The following ZFHX3 variants were observed in gnomAD, a reference collection of about 807,000 sequenced individuals.
The protein encoded by ZFHX3 is zinc finger homeobox protein 3.
In ZFHX3, 42 loss-of-function variants were observed where a neutral mutation model predicts 279.1. The observed-to-expected ratio is 0.15, with a 90% CI of 0.12 to 0.19. ZFHX3 has a LOEUF of 0.19. ZFHX3 is among the 10% of genes least tolerant of loss of function. The pLI is 1.00. For missense variants in ZFHX3, 4,981 were observed against 4,754.0 expected (o/e 1.05, Z -1.40); for synonymous variants, 2,293 against 1,957.8 (o/e 1.17, Z -4.52).
chr16:73,745,790 T>C (rs1251476355), intron 1 of ZFHX3, among the ~76,000 whole-genome samples: 1 of 152,222 alleles, frequency 6.6e-6, no homozygotes, highest in Non-Finnish European at 1.5e-5. Context: ...AAGTTATCGA[T>C]ACCCTCTGAT....
intron 2 of ZFHX3, among the ~76,000 whole-genome samples, chr16:73,567,151 G>T (rs938992875): frequency 2.0e-5 from 3 of 152,090 alleles, no homozygotes; most frequent in African/African-American, 7.2e-5. Context: ...TTTTTTGTTT[G>T]TTTGTTTTTT....
chr16:72,906,784 C>T (rs552997342), intron 3 of ZFHX3, among the ~76,000 whole-genome samples: 55 of 152,030 alleles, frequency 3.6e-4, no homozygotes, highest in Admixed American at 2.6e-3. Context: ...GGCAACAGAG[C>T]GAGACTCTGT....
chr16:73,883,971 G>A (rs1470419201), intron 1 of ZFHX3, among the ~76,000 whole-genome samples: 1 of 152,106 alleles, frequency 6.6e-6, no homozygotes. Flanking sequence ...TCTAAATCAA[G>A]TTCCCTTCTT....
At chr16:73,421,538 C>T (rs562830364) in intron 3 of ZFHX3, 2 of 152,264 alleles carry the variant, frequency 1.3e-5, no homozygotes, top group South Asian at 4.2e-4. Context: ...TAGTCATCGT[C>T]TAAACATCCA....
chr16:73,306,120 C>T (rs933779113), intron 4 of ZFHX3, among the ~76,000 whole-genome samples: 1 of 152,132 alleles, frequency 6.6e-6, no homozygotes, highest in Non-Finnish European at 1.5e-5. Flanking sequence ...GTTTCTACTG[C>T]GTACCTACTG....
intron 4 of ZFHX3, among the ~76,000 whole-genome samples, chr16:72,871,817 G>A (rs2038169207): frequency 6.6e-6 from 1 of 151,768 alleles, no homozygotes; most frequent in East Asian, 2.0e-4. Context: ...TGGGCGCGGT[G>A]GCTCACGCCT....
chr16:72,794,443 G>T lies in ZFHX3; in HGVS notation c.8239C>A (p.Leu2747Met), dbSNP rs1272835427. 6.2e-7 allele frequency: 1 copy of T among 1,613,996 alleles called. No individual in the cohort carries two copies. The highest frequency in any genetic ancestry group is 8.5e-7 in the Non-Finnish European group (1 of 1,180,018). The change falls in exon 9 of 10, where the codon CTG becomes ATG. Residue 2747 changes from leucine (L) to methionine (M), a missense_variant. By Grantham distance (15) the Leu-to-Met change is conservative. This residue lies in a region of ZFHX3 where 744 missense variants were observed against 701.3 expected (regional missense o/e 1.06). Transcript: ENST00000268489. The surrounding 1 kb of genome is among the most constrained non-coding windows in gnomAD (Gnocchi z 4.2). ...EAKRAGYNLT[L>M]SAMLLDCDGG... ...TCACAGTCTAAGAGCATCGCAGACA[G>T]AGTTAGGTTGTAGCCAGCTCTCTTG...
intron 2 of ZFHX3, among the ~76,000 whole-genome samples, chr16:73,571,916 G>T (rs1216609819): frequency 6.6e-6 from 1 of 151,952 alleles, no homozygotes; most frequent in African/African-American, 2.4e-5. Flanking sequence ...AAATATATAA[G>T]ATCACCCATA....
chr16:73,290,232 T>C (rs981446711), intron 4 of ZFHX3, among the ~76,000 whole-genome samples: 6 of 152,060 alleles, frequency 3.9e-5, no homozygotes, highest in African/African-American at 1.2e-4. Flanking sequence ...ATTCCCTAAC[T>C]GACAGCCCCT....
At chr16:72,903,844 C>T (rs747697629) in intron 3 of ZFHX3, among the ~76,000 whole-genome samples, 3 of 152,180 alleles carry the variant, frequency 2.0e-5, no homozygotes, top group African/African-American at 7.2e-5. Context: ...GATCAGATCC[C>T]TGCACTATGC....
chr16:73,659,544 A>G (rs2052758202), intron 2 of ZFHX3, among the ~76,000 whole-genome samples: 1 of 152,064 alleles, frequency 6.6e-6, no homozygotes, highest in African/African-American at 2.4e-5. Flanking sequence ...CAATGTCTTA[A>G]TGTCCCTGGG....
intron 4 of ZFHX3, among the ~76,000 whole-genome samples, chr16:72,865,667 A>T (rs2038000375): frequency 6.6e-6 from 1 of 152,198 alleles, no homozygotes; most frequent in South Asian, 2.1e-4. Context: ...GACTGGCCAA[A>T]GAGGAAGGCT....
intron 5 of ZFHX3, among the ~76,000 whole-genome samples, chr16:73,188,756 T>A (rs1002255206): frequency 1.3e-5 from 2 of 152,130 alleles, no homozygotes; most frequent in African/African-American, 4.8e-5. Context: ...AATGTTAGAT[T>A]CCCAGGGGTA....
intron 1 of ZFHX3, among the ~76,000 whole-genome samples, chr16:73,681,727 T>G (rs533821484): frequency 4.6e-5 from 7 of 152,354 alleles, no homozygotes; most frequent in Admixed American, 4.6e-4. Context: ...ATGTGCAAAC[T>G]GCATTCAAAA....
intron 1 of ZFHX3, among the ~76,000 whole-genome samples, chr16:73,792,862 C>G (rs1033359641): frequency 6.8e-6 from 1 of 146,824 alleles, no homozygotes; most frequent in African/African-American, 2.6e-5. Flanking sequence ...GTGCACCCCC[C>G]CCCTCCCCTC....
intron 1 of ZFHX3, among the ~76,000 whole-genome samples, chr16:72,962,009 T>C (rs1961603125): frequency 6.6e-6 from 1 of 152,200 alleles, no homozygotes; most frequent in Non-Finnish European, 1.5e-5. Flanking sequence ...TTCTTAGGGA[T>C]GCTTCTGATT....
intron 1 of ZFHX3, among the ~76,000 whole-genome samples, chr16:73,874,251 G>T (rs144773282): frequency 6.6e-6 from 1 of 151,820 alleles, no homozygotes; most frequent in Non-Finnish European, 1.5e-5. Flanking sequence ...GACTTCAAAC[G>T]GTAAAAATTT....
chr16:72,933,743 G>A (rs1959947814), intron 3 of ZFHX3, among the ~76,000 whole-genome samples: 1 of 150,522 alleles, frequency 6.6e-6, no homozygotes, highest in Non-Finnish European at 1.5e-5. Context: ...CAGACTTCCT[G>A]ACTAGCAAAA....
chr16:73,778,645 C>G (rs1959345491), intron 1 of ZFHX3, among the ~76,000 whole-genome samples: 1 of 152,190 alleles, frequency 6.6e-6, no homozygotes, highest in Non-Finnish European at 1.5e-5. Flanking sequence ...AGTCATTTCC[C>G]CTGCATGTGC....
Sources: allele counts gnomAD v4.1 joint callset (sites outside exome capture counted in the v4.1 genomes callset), GRCh38; gene constraint gnomAD v4.1.1; regional missense constraint gnomAD v4.1.1; non-coding constraint Gnocchi (gnomAD v3.1); transcripts MANE v1.5; gene names NCBI Gene and HGNC (gene_info 2026-07-23, HGNC 2026-07-21).